The following CPVL variants were observed in gnomAD, a reference collection of about 807,000 sequenced individuals.
The protein encoded by CPVL is carboxypeptidase vitellogenic like.
CPVL carries 51 observed loss-of-function variants against 63.7 expected under a neutral mutation model. The ratio of observed to expected loss-of-function variants is 0.80; its 90% confidence interval spans 0.64 to 1.01. The LOEUF (loss-of-function observed/expected upper bound fraction) is 1.01. Among genes scored for constraint, CPVL ranks in the 50% least tolerant of loss-of-function variants. CPVL has a pLI of 0.00. For synonymous variants in CPVL, 195 were observed against 206.0 expected (o/e 0.95, Z 0.46); for missense variants, 530 against 573.1 (o/e 0.92, Z 0.77).
At chr7:29,135,599 T>G (rs1212564462) in intron 1 of CPVL, among the ~76,000 whole-genome samples, 1 of 152,196 alleles carries the variant, frequency 6.6e-6, no homozygotes, top group Non-Finnish European at 1.5e-5. Flanking sequence ...CCCAAAGTGC[T>G]TGGATTAGAG....
intron 12 of CPVL, among the ~76,000 whole-genome samples, chr7:29,030,221 A>G (rs1038766453): frequency 2.6e-5 from 4 of 152,228 alleles, no homozygotes; most frequent in Admixed American, 2.0e-4. Context: ...ATGTGATCAT[A>G]CATTTGCCAG....
At chr7:29,188,402 C>G (rs1298859380) in intron 1 of CPVL, among the ~76,000 whole-genome samples, 1 of 152,146 alleles carries the variant, frequency 6.6e-6, no homozygotes, top group African/African-American at 2.4e-5. Flanking sequence ...GAATCATTTT[C>G]TCATGCTTTG....
At chr7:29,055,522 A>G (rs1216502203) in intron 11 of CPVL, among the ~76,000 whole-genome samples, 2 of 150,708 alleles carry the variant, frequency 1.3e-5, no homozygotes, top group South Asian at 2.1e-4. Flanking sequence ...AAGCACTGAG[A>G]TTACAGGCAT....
At chr7:29,034,952 C>G (rs542174233) in intron 11 of CPVL, among the ~76,000 whole-genome samples, 39 of 150,724 alleles carry the variant, frequency 2.6e-4, no homozygotes, top group Non-Finnish European at 4.1e-4. Flanking sequence ...AATTCAAATA[C>G]TACCATACCA....
intron 1 of CPVL, chr7:29,193,705 T>C (rs1296090869): frequency 6.6e-6 from 1 of 152,220 alleles, no homozygotes; most frequent in East Asian, 1.9e-4. Context: ...CTCGAGTCTC[T>C]TTCTCTCACA....
At chr7:29,114,792 C>T (rs2128633411) in intron 2 of CPVL, among the ~76,000 whole-genome samples, 1 of 152,298 alleles carries the variant, frequency 6.6e-6, no homozygotes, top group East Asian at 1.9e-4. Context: ...GGAAGATGTA[C>T]TGCCTGTGGG....
chr7:29,142,371 G>A (rs1791983726), intron 1 of CPVL, among the ~76,000 whole-genome samples: 1 of 151,894 alleles, frequency 6.6e-6, no homozygotes, highest in African/African-American at 2.4e-5. Context: ...CCAAATGTTT[G>A]TTCAGTCCTG....
At chr7:29,194,625 G>A (rs2128760174) in intron 1 of CPVL, 1 of 291,824 alleles carries the variant, frequency 3.4e-6, no homozygotes, top group Non-Finnish European at 6.2e-6. Flanking sequence ...ACGGCAGAGG[G>A]GCTCGGCGGG....
chr7:29,102,930 T>C (rs989066736), intron 3 of CPVL, among the ~76,000 whole-genome samples: 3 of 152,176 alleles, frequency 2.0e-5, no homozygotes, highest in Non-Finnish European at 4.4e-5. Flanking sequence ...CATGTCTTAA[T>C]GGAATGTCAT....
rs193286628 is a variant in CPVL, at chr7:29,078,587, T to C, written c.610-6164A>G. ...CAGAAGGATGAAGCTGCATAATGGA[T>C]GTAACTTAGCATTTCTCATTCTCAA... On this transcript the variant is annotated intron_variant, in intron 7 of 12. Transcript: ENST00000265394. Among the ~76,000 whole-genome samples, 33 of 152,362 alleles carry C rather than the reference T, an allele frequency of 2.2e-4. 1 individual carries two copies. In the East Asian group the frequency reaches 4.8e-3, roughly 22 times the overall value.
intron 12 of CPVL, among the ~76,000 whole-genome samples, chr7:29,024,640 AAC>A (rs1384434037): frequency 6.6e-6 from 1 of 152,236 alleles, no homozygotes; most frequent in African/African-American, 2.4e-5. Context: ...CCATCAGACT[AAC>A]AGTTTTCTCA....
intron 5 of CPVL, among the ~76,000 whole-genome samples, chr7:29,093,717 T>C (rs988088374): frequency 6.6e-6 from 1 of 152,240 alleles, no homozygotes; most frequent in Non-Finnish European, 1.5e-5. Flanking sequence ...ATAAAGATTT[T>C]TGTGTTTTTG....
At chr7:29,037,571 AAG>A (rs66837063) in intron 11 of CPVL, among the ~76,000 whole-genome samples, 5,748 of 135,196 alleles carry the variant, frequency 0.043, 212 homozygotes, top group South Asian at 0.058. Context: ...AAAAAAAAAA[AAG>A]AAAAGAAAAG....
chr7:29,052,612 G>A (rs1790298750), intron 11 of CPVL, among the ~76,000 whole-genome samples: 1 of 152,084 alleles, frequency 6.6e-6, no homozygotes, highest in Non-Finnish European at 1.5e-5. Flanking sequence ...TATTCAGAAT[G>A]TATAAAGAAC....
At chr7:29,152,928 C>T (rs1397011817) in intron 5 of CPVL, among the ~76,000 whole-genome samples, 1 of 152,222 alleles carries the variant, frequency 6.6e-6, no homozygotes, top group Non-Finnish European at 1.5e-5. Context: ...AAGCTTGCTT[C>T]CAGAGCCTGC....
chr7:29,119,426 G>A (rs970045701), intron 2 of CPVL, among the ~76,000 whole-genome samples: 13 of 148,956 alleles, frequency 8.7e-5, no homozygotes, highest in East Asian at 4.0e-4. Flanking sequence ...GGTGCAGAGC[G>A]CAGTGAGCCG....
At position 29,146,419 on chromosome 7, in the gene CPVL, C is replaced by G. The variant is rs527380851; in HGVS notation, c.-11+10G>C. ...GCTGGCACGACCCACGCAGGGCAGG[C>G]GGCACTTACGCGGCGCAGTCGGTGC... is the stretch of plus-strand genomic sequence containing the variant. On this transcript the variant is annotated intron_variant, in intron 1 of 12. Transcript: ENST00000265394. The G allele has an allele frequency of 2.1e-5, 22 of 1,050,342 alleles. No individual in the cohort carries two copies. In the South Asian group the frequency reaches 2.7e-4, roughly 13 times the overall value. 65.1% of individuals were successfully genotyped at this position (1,050,342 alleles called of 1,614,324 possible). A position where few individuals can be genotyped will look rare whatever the true frequency, so the allele number is the denominator to read the frequency against.
intron 1 of CPVL, among the ~76,000 whole-genome samples, chr7:29,190,421 A>T (rs1449315942): frequency 1.3e-5 from 2 of 152,212 alleles, no homozygotes; most frequent in Non-Finnish European, 2.9e-5. Context: ...AACACTCCAG[A>T]ATGCCTGCAG....
chr7:29,157,729 A>G (rs912086360), intron 5 of CPVL, among the ~76,000 whole-genome samples: 1 of 152,220 alleles, frequency 6.6e-6, no homozygotes, highest in Non-Finnish European at 1.5e-5. Context: ...ATCTGGTGAT[A>G]GAAAACATAT....
Sources: gnomAD v4.1 joint callset for allele counts (sites outside exome capture counted in the v4.1 genomes callset) on GRCh38, gnomAD v4.1.1 for gene constraint, MANE v1.5 for transcripts, NCBI Gene and HGNC (gene_info 2026-07-23, HGNC 2026-07-21) for gene names.